Variants in CHRNA7 observed in about 807,000 individuals in gnomAD.
CHRNA7 encodes cholinergic receptor nicotinic alpha 7 subunit, also known as neuronal acetylcholine receptor subunit alpha-7.
CHRNA7 carries 17 observed loss-of-function variants against 48.0 expected under a neutral mutation model. The observed-to-expected ratio is 0.35, with a 90% confidence interval of 0.24 to 0.53. CHRNA7 has a LOEUF of 0.53. CHRNA7 is among the 20% of genes least tolerant of loss of function. The pLI, the probability that CHRNA7 is intolerant of heterozygous loss-of-function variation, is 0.92. For missense variants in CHRNA7, 155 were observed against 577.7 expected (o/e 0.27, Z 7.50); for synonymous variants, 75 against 242.3 (o/e 0.31, Z 6.41).
intron 4 of CHRNA7, among the ~76,000 whole-genome samples, chr15:32,115,585 G>A (rs1194092998): frequency 6.6e-6 from 1 of 151,996 alleles, no homozygotes; most frequent in Admixed American, 6.5e-5. Context: ...GTTTATATGA[G>A]CGTCTTGCGG....
intron 9 of CHRNA7, chr15:32,166,569 G>A (rs1296180456): frequency 7.2e-5 from 11 of 152,128 alleles, no homozygotes; most frequent in Non-Finnish European, 1.5e-4. Context: ...CTGCAGATAC[G>A]AACTGCACAA....
chr15:32,086,329 A>G (rs942395840), intron 2 of CHRNA7, among the ~76,000 whole-genome samples: 1 of 147,534 alleles, frequency 6.8e-6, no homozygotes, highest in African/African-American at 2.5e-5. Context: ...AGATTGCACC[A>G]CTGCACTCAG....
At chr15:32,143,413 G>C (rs1398789807) in intron 4 of CHRNA7, among the ~76,000 whole-genome samples, 2 of 152,194 alleles carry the variant, frequency 1.3e-5, no homozygotes, top group African/African-American at 4.8e-5. Flanking sequence ...TTGGGGTGGA[G>C]AGTTCTGTAG....
At chr15:32,067,225 C>T (rs1198443872) in intron 2 of CHRNA7, among the ~76,000 whole-genome samples, 9 of 152,178 alleles carry the variant, frequency 5.9e-5, no homozygotes, top group Admixed American at 5.2e-4. Flanking sequence ...CACCTAGATA[C>T]ATCATAATCA....
At chr15:32,113,231 T>C (rs2050792968) in intron 4 of CHRNA7, among the ~76,000 whole-genome samples, 1 of 152,240 alleles carries the variant, frequency 6.6e-6, no homozygotes, top group Admixed American at 6.5e-5. Context: ...GGCTGCCATC[T>C]CACTGGGTTC....
intron 4 of CHRNA7, among the ~76,000 whole-genome samples, chr15:32,145,886 C>T (rs895352099): frequency 2.4e-4 from 37 of 152,162 alleles, no homozygotes; most frequent in Non-Finnish European, 1.3e-4. Context: ...CTGGGTGAGG[C>T]GACGCCCCAC....
intron 2 of CHRNA7, among the ~76,000 whole-genome samples, chr15:32,050,719 A>G (rs4779961): frequency 0.99 from 151,425 of 152,272 alleles, 75,293 homozygotes; most frequent in East Asian, 1. Flanking sequence ...GAGGAGAGTC[A>G]CTCTGCTTTT....
intron 2 of CHRNA7, among the ~76,000 whole-genome samples, chr15:32,045,661 C>T (rs117058049): frequency 6.6e-6 from 1 of 151,942 alleles, no homozygotes; most frequent in East Asian, 1.9e-4. Flanking sequence ...TTCAGCCTTC[C>T]AAGTAGCTGG....
intron 2 of CHRNA7, among the ~76,000 whole-genome samples, chr15:32,092,818 C>T (rs2050404208): frequency 6.6e-6 from 1 of 152,186 alleles, no homozygotes; most frequent in South Asian, 2.1e-4. Flanking sequence ...ACCCACTTTG[C>T]ACCGGTTCCA....
chr15:32,114,028 A>G (rs1428191746), intron 4 of CHRNA7, among the ~76,000 whole-genome samples: 3 of 88,270 alleles, frequency 3.4e-5, no homozygotes. Context: ...AAATATATAT[A>G]TATATATATA....
intron 4 of CHRNA7, among the ~76,000 whole-genome samples, chr15:32,130,401 C>CT (rs2051133951): frequency 6.6e-6 from 1 of 151,782 alleles, no homozygotes; most frequent in African/African-American, 2.4e-5. Context: ...TCTTGGTAGA[C>CT]TGAGCTTTTA....
At chr15:32,093,121 A>T (rs1330365326) in intron 2 of CHRNA7, among the ~76,000 whole-genome samples, 1 of 152,196 alleles carries the variant, frequency 6.6e-6, no homozygotes, top group Admixed American at 6.5e-5. Context: ...GTTCAAGGGT[A>T]GTTCAGATGA....
chr15:32,042,110 C>T (rs1330132660), intron 2 of CHRNA7, among the ~76,000 whole-genome samples: 1 of 88,558 alleles, frequency 1.1e-5, no homozygotes, highest in African/African-American at 2.7e-5. Context: ...GTAAAAGGAA[C>T]TGCTGTAAAT....
At chr15:32,037,066 T>G (rs545915913) in intron 2 of CHRNA7, among the ~76,000 whole-genome samples, 1 of 152,318 alleles carries the variant, frequency 6.6e-6, no homozygotes, top group East Asian at 1.9e-4. Flanking sequence ...GTTTTGCACT[T>G]TACATTTAGG....
intron 4 of CHRNA7, among the ~76,000 whole-genome samples, chr15:32,131,042 G>T (rs1007266005): frequency 6.6e-6 from 1 of 151,930 alleles, no homozygotes; most frequent in African/African-American, 2.4e-5. Context: ...ATTTAAATTT[G>T]TTGTTGTTGT....
At chr15:32,129,100 C>G (rs1466124076) in intron 4 of CHRNA7, among the ~76,000 whole-genome samples, 1 of 151,938 alleles carries the variant, frequency 6.6e-6, no homozygotes, top group African/African-American at 2.4e-5. Flanking sequence ...ACTCATGGAA[C>G]AAACTCTACT....
intron 9 of CHRNA7, among the ~76,000 whole-genome samples, chr15:32,164,944 A>ACT (rs2052016930): frequency 9.4e-6 from 1 of 106,772 alleles, no homozygotes; most frequent in Admixed American, 1.0e-4. Flanking sequence ...AAAAAAAAAA[A>ACT]GACTGACTTG....
intron 4 of CHRNA7, among the ~76,000 whole-genome samples, chr15:32,136,957 G>A (rs1388029294): frequency 1.4e-5 from 2 of 146,902 alleles, no homozygotes; most frequent in Admixed American, 1.4e-4. Context: ...GCGTGAACCC[G>A]GGAGGCGGAG....
chr15:32,046,124 A>G (rs1275658085), intron 2 of CHRNA7, among the ~76,000 whole-genome samples: 1 of 152,106 alleles, frequency 6.6e-6, no homozygotes, highest in Non-Finnish European at 1.5e-5. Context: ...GGCCACAATA[A>G]ACATACGTGT....
Sources: allele counts gnomAD v4.1 joint callset (sites outside exome capture counted in the v4.1 genomes callset), GRCh38; gene constraint gnomAD v4.1.1; transcripts MANE v1.5; gene names NCBI Gene and HGNC (gene_info 2026-07-23, HGNC 2026-07-21).